Variants in FAM185A observed in about 807,000 individuals in gnomAD.
FAM185A encodes family with sequence similarity 185 member A.
In FAM185A, 21 loss-of-function variants were observed where a neutral mutation model predicts 45.7. That is an observed-to-expected ratio of 0.46 (90% CI 0.33 to 0.66). The LOEUF (loss-of-function observed/expected upper bound fraction) is 0.66. FAM185A is among the 30% of genes least tolerant of loss of function. FAM185A has a pLI of 0.03. For missense variants in FAM185A, 305 were observed against 485.4 expected (o/e 0.63, Z 3.49); for synonymous variants, 117 against 194.0 (o/e 0.60, Z 3.30).
chr7:102,787,276 T>C (rs1370845464), intron 6 of FAM185A, 59 bp from the exon 7 acceptor site: 2 of 1,221,472 alleles, frequency 1.6e-6, no homozygotes, highest in Non-Finnish European at 2.1e-6. Context: ...AAATTTATAA[T>C]AGACTCTGGT....
In FAM185A at chr7:102,761,283, T is replaced by C. The variant is rs748485905; in HGVS notation, c.665T>C (p.Ile222Thr). The C allele has an allele frequency of 4.6e-5, 71 of 1,542,362 alleles. No individual in the cohort carries two copies. In the African/African-American group the frequency reaches 6.9e-4, roughly 15 times the overall value. The change falls in exon 4 of 8, where the codon ATA (isoleucine) becomes ACA (threonine). Residue 222 changes from isoleucine to threonine, a missense_variant. By Grantham distance (89) the Ile-to-Thr change is moderately conservative. This residue lies in a region of FAM185A where 12 missense variants were observed against 46.4 expected (regional missense o/e 0.26). Coordinates refer to ENST00000413034, the MANE Select transcript of FAM185A (RefSeq NM_001145268.2). ...TCTTTCTCTTACTAGGCTGTGACCA[T>C]AGATAAACTGCAGGGAAGTTCTGTT... is the stretch of plus-strand genomic sequence containing the variant. ...IHASDKSAVT[I>T]DKLQGSSVTV...
intron 5 of FAM185A, among the ~76,000 whole-genome samples, chr7:102,775,708 C>G (rs1156590029): frequency 6.6e-6 from 1 of 152,080 alleles, no homozygotes; most frequent in Non-Finnish European, 1.5e-5. Context: ...AATGTTTCAG[C>G]TATTTTACTT....
Position 102,749,120 on chromosome 7 carries a change from A to C in FAM185A, c.-88A>C. On this transcript the variant is annotated 5_prime_UTR_variant, in exon 1 of 8. Transcript: ENST00000413034. ...TGACTTACGTCTCCTATTTGACTTG[A>C]GGCGGCACAGTGGCCAAGTCGATTG... is the stretch of plus-strand genomic sequence containing the variant. The C allele has an allele frequency of 6.6e-7, 1 of 1,510,610 alleles. No homozygotes were observed. Among genetic ancestry groups the C allele is most frequent in the Non-Finnish European group, 9.0e-7 (1 of 1,111,068 alleles). The allele number at this position is 1,510,610 out of a possible 1,614,324, so 93.6% of individuals were successfully genotyped here.
At chr7:102,809,472 T>A (rs1797311582), downstream of FAM185A, among the ~76,000 whole-genome samples, 1 of 152,048 alleles carries the variant, frequency 6.6e-6, no homozygotes, top group Admixed American at 6.5e-5. Context: ...GGTGGATGGA[T>A]CACTTGAGGT....
At chr7:102,832,737 T>C in the FAM185A span, 4 of 1,332,670 alleles carry the variant, frequency 3.0e-6, no homozygotes, top group Non-Finnish European at 3.9e-6. Context: ...ACCTCAACCA[T>C]GGCAAAGAGA....
chr7:102,831,476 G>C, the FAM185A span, among the ~76,000 whole-genome samples: 3 of 152,040 alleles, frequency 2.0e-5, no homozygotes, highest in East Asian at 5.8e-4. Flanking sequence ...AATAGTGTCA[G>C]GGATGAAGAA....
intron 3 of FAM185A, among the ~76,000 whole-genome samples, chr7:102,760,287 A>G (rs1794033126): frequency 1.3e-5 from 2 of 152,078 alleles, no homozygotes; most frequent in African/African-American, 4.8e-5. Context: ...AATTTATAGC[A>G]ATACCTCTGT....
At chr7:102,772,808 G>A (rs1794837459) in intron 5 of FAM185A, among the ~76,000 whole-genome samples, 1 of 150,624 alleles carries the variant, frequency 6.6e-6, no homozygotes, top group Admixed American at 6.6e-5. Flanking sequence ...AACATTTGAA[G>A]ACAACCTTGT....
chr7:102,821,058 T>A, the FAM185A span, among the ~76,000 whole-genome samples: 1 of 152,234 alleles, frequency 6.6e-6, no homozygotes, highest in Admixed American at 6.5e-5. Context: ...AATTAGAAGC[T>A]AAACTCCTTT....
chr7:102,832,792 T>C, the FAM185A span: 1 of 1,610,634 alleles, frequency 6.2e-7, no homozygotes, highest in South Asian at 1.1e-5. Context: ...CCTTGTCCCT[T>C]GGCAGTGCTT....
At chr7:102,785,483 T>G (rs1393359871) in intron 6 of FAM185A, among the ~76,000 whole-genome samples, 2 of 151,796 alleles carry the variant, frequency 1.3e-5, no homozygotes, top group Admixed American at 6.6e-5. Context: ...AAAACAGAGA[T>G]ACAGATCAAT....
the FAM185A span, among the ~76,000 whole-genome samples, chr7:102,827,941 T>C: frequency 1.3e-5 from 2 of 152,332 alleles, no homozygotes; most frequent in Admixed American, 6.5e-5. Context: ...CATTGGTCTA[T>C]ATCTCTGTTT....
the FAM185A span, among the ~76,000 whole-genome samples, chr7:102,826,625 T>C: frequency 6.7e-6 from 1 of 148,298 alleles, no homozygotes; most frequent in African/African-American, 2.5e-5. Flanking sequence ...CTCAGGAGGC[T>C]GAGGTGGGAG....
chr7:102,758,149 G>A, intron 3 of FAM185A, among the ~76,000 whole-genome samples: 1 of 151,912 alleles, frequency 6.6e-6, no homozygotes, highest in Non-Finnish European at 1.5e-5. Context: ...ACTTTTGACA[G>A]TTACTTAGTT....
At chr7:102,804,733 A>C (rs570524622) in intron 7 of FAM185A, among the ~76,000 whole-genome samples, 4 of 152,268 alleles carry the variant, frequency 2.6e-5, no homozygotes, top group Non-Finnish European at 5.9e-5. Flanking sequence ...ATCAGTCAGC[A>C]GAGTAAACAG....
chr7:102,775,409 A>T (rs1234231138), intron 5 of FAM185A, among the ~76,000 whole-genome samples: 4 of 152,170 alleles, frequency 2.6e-5, no homozygotes. Flanking sequence ...CAAAAAAAAT[A>T]GGAGGGCTTG....
intron 3 of FAM185A, among the ~76,000 whole-genome samples, chr7:102,758,256 A>T (rs1333282635): frequency 1.3e-5 from 2 of 152,108 alleles, no homozygotes; most frequent in African/African-American, 4.8e-5. Flanking sequence ...ATAGATGATT[A>T]AGTAATATCA....
chr7:102,792,677 C>G (rs1229313385), intron 7 of FAM185A, among the ~76,000 whole-genome samples: 1 of 130,918 alleles, frequency 7.6e-6, no homozygotes, highest in African/African-American at 3.0e-5. Context: ...TTGTCATTGT[C>G]TGGATAGTAG....
At chr7:102,772,816 T>G (rs2129436722) in intron 5 of FAM185A, among the ~76,000 whole-genome samples, 1 of 150,972 alleles carries the variant, frequency 6.6e-6, no homozygotes, top group Non-Finnish European at 1.5e-5. Flanking sequence ...AAGACAACCT[T>G]GTGAATACCA....
Sources: allele counts gnomAD v4.1 joint callset (sites outside exome capture counted in the v4.1 genomes callset), GRCh38; gene constraint gnomAD v4.1.1; regional missense constraint gnomAD v4.1.1; transcripts MANE v1.5; gene names NCBI Gene and HGNC (gene_info 2026-07-23, HGNC 2026-07-21).